TMEM123: variants seen among roughly 807,000 people sequenced by gnomAD.
TMEM123 encodes transmembrane protein 123, also known as porimin.
TMEM123 carries 16 observed loss-of-function variants against 19.7 expected under a neutral mutation model. The ratio of observed to expected loss-of-function variants is 0.81; its 90% CI spans 0.55 to 1.23. The LOEUF (loss-of-function observed/expected upper bound fraction) is 1.23. Among genes scored for constraint, TMEM123 ranks in the 50% most tolerant of loss-of-function variants. The pLI, the probability that TMEM123 is intolerant of heterozygous loss-of-function variation, is 0.00. For missense variants in TMEM123, 313 were observed against 257.8 expected, an observed-to-expected ratio of 1.21 and a Z score of -1.47; for synonymous variants, 118 against 99.4, an observed-to-expected ratio of 1.19 and a Z score of -1.12.
At chr11:102,440,734 A>G (rs755790958) in intron 2 of TMEM123, among the ~76,000 whole-genome samples, 103 of 152,226 alleles carry the variant, frequency 6.8e-4, no homozygotes, top group Non-Finnish European at 9.0e-4. Flanking sequence ...AAATGCTCCA[A>G]TTAAAACACA....
intron 2 of TMEM123, among the ~76,000 whole-genome samples, chr11:102,432,144 G>T (rs552458196): frequency 1.3e-5 from 2 of 152,336 alleles, no homozygotes; most frequent in African/African-American, 4.8e-5. Context: ...AAGCGACTTT[G>T]GCACTGGTTA....
At chr11:102,400,320 T>G (rs539177790) in intron 4 of TMEM123, among the ~76,000 whole-genome samples, 3 of 152,324 alleles carry the variant, frequency 2.0e-5, no homozygotes, top group African/African-American at 7.2e-5. Context: ...GGTTAAAAAT[T>G]TGGGAAACAG....
Position 102,452,608 on chromosome 11 carries a change from G to C in TMEM123, c.16C>G (p.Arg6Gly). 11 of 1,557,270 alleles carry C rather than the reference G, an allele frequency of 7.1e-6. No homozygotes were observed. Among genetic ancestry groups the C allele is most frequent in the Non-Finnish European group, 8.7e-6 (10 of 1,154,752 alleles). ...AGGAGCAGCGCGGCCCAAGCACCTC[G>C]CGCGCCGAGTCCCATTGTTCCGAGG... MGLGA[R>G]GAWAALLLGT... Residue 6 changes from arginine to glycine, a missense_variant, in exon 1 of 5, where the codon CGA becomes GGA. By Grantham distance (125) the Arg-to-Gly change is moderately radical. Transcript: ENST00000398136.
intron 2 of TMEM123, among the ~76,000 whole-genome samples, chr11:102,410,770 G>C (rs936031678): frequency 6.6e-6 from 1 of 152,028 alleles, no homozygotes; most frequent in South Asian, 2.1e-4. Context: ...ACACACAGAA[G>C]AGACGTGATC....
chr11:102,409,009 G>C (rs1951979665), intron 2 of TMEM123, among the ~76,000 whole-genome samples: 1 of 152,030 alleles, frequency 6.6e-6, no homozygotes, highest in Admixed American at 6.5e-5. Flanking sequence ...ATAACCTTGA[G>C]TCCAAAAATA....
intron 2 of TMEM123, among the ~76,000 whole-genome samples, chr11:102,442,079 A>T (rs1483792122): frequency 6.6e-6 from 1 of 152,260 alleles, no homozygotes; most frequent in African/African-American, 2.4e-5. Flanking sequence ...AACCAAAAAA[A>T]GTCCAGGACT....
intron 2 of TMEM123, among the ~76,000 whole-genome samples, chr11:102,438,671 G>A (rs1857791222): frequency 6.6e-6 from 1 of 152,220 alleles, no homozygotes; most frequent in Non-Finnish European, 1.5e-5. Context: ...CTTCCAGTGT[G>A]AGCAATGCAG....
intron 2 of TMEM123, among the ~76,000 whole-genome samples, chr11:102,427,403 GAGAAGGC>G (rs1032434307): frequency 6.6e-6 from 1 of 151,176 alleles, no homozygotes; most frequent in Non-Finnish European, 1.5e-5. Flanking sequence ...AGAAGTGGAA[GAGAAGGC>G]AGAAGTGGGA....
At chr11:102,423,886 C>T (rs530556049) in intron 2 of TMEM123, among the ~76,000 whole-genome samples, 13 of 151,994 alleles carry the variant, frequency 8.6e-5, no homozygotes, top group East Asian at 3.9e-4. Context: ...ATATTAAGTG[C>T]GTGCATTATT....
chr11:102,432,949 A>C (rs1263407462), intron 2 of TMEM123, among the ~76,000 whole-genome samples: 2 of 149,162 alleles, frequency 1.3e-5, no homozygotes, highest in African/African-American at 2.4e-5. Context: ...ACAGAAGTCA[A>C]GAATTGAGGT....
At chr11:102,406,757 G>A (rs1320720468) in intron 2 of TMEM123, among the ~76,000 whole-genome samples, 1 of 151,772 alleles carries the variant, frequency 6.6e-6, no homozygotes, top group Non-Finnish European at 1.5e-5. Flanking sequence ...TGTAGTCCCA[G>A]CTACTCGGGA....
chr11:102,422,711 A>G (rs1952096975), intron 2 of TMEM123, among the ~76,000 whole-genome samples: 1 of 152,234 alleles, frequency 6.6e-6, no homozygotes, highest in South Asian at 2.1e-4. Flanking sequence ...TTTTATATAA[A>G]TAGCATCATG....
rs182224848 is a variant in TMEM123, at chr11:102,423,972, A to T, written c.158-21766T>A. ...GTTTTAAACAAATTCAGATTTTTTT[A>T]AAAAAATCATCTCCTGTAAAAGAAA... On this transcript the variant is annotated intron_variant, in intron 2 of 4. Coordinates refer to ENST00000398136, the MANE Select transcript of TMEM123 (RefSeq NM_052932.3). Among the ~76,000 whole-genome samples the T allele has an allele frequency of 7.9e-3, 1,196 of 152,328 alleles. 19 individuals carry two copies. The highest frequency in any genetic ancestry group is 0.027 in the African/African-American group (1,108 of 41,578).
chr11:102,440,895 T>C (rs528671163), intron 2 of TMEM123, among the ~76,000 whole-genome samples: 2 of 152,308 alleles, frequency 1.3e-5, no homozygotes, highest in African/African-American at 4.8e-5. Context: ...GTTGCAATCC[T>C]AGTCTCTGAT....
At chr11:102,439,739 A>G (rs541061572) in intron 2 of TMEM123, among the ~76,000 whole-genome samples, 12 of 152,206 alleles carry the variant, frequency 7.9e-5, no homozygotes, top group African/African-American at 2.2e-4. Flanking sequence ...ACGATCGGTA[A>G]TAACAAACTT....
In TMEM123 at chr11:102,398,745, T is replaced by G; in HGVS notation, c.*122A>C. ...ACATATTTACGTAATACACTGTACA[T>G]TATATGCATGGCCTGTTTATACTAT... On this transcript the variant is annotated 3_prime_UTR_variant, in exon 5 of 5. Transcript: ENST00000398136. 2.1e-6 allele frequency: 2 copies of G among 975,016 alleles called. No homozygotes were observed. The highest frequency in any genetic ancestry group is 1.4e-5 in the South Asian group (1 of 70,108). 60.4% of individuals were successfully genotyped at this position (975,016 alleles called of 1,614,324 possible). A position where few individuals can be genotyped will look rare whatever the true frequency, so the allele number is the denominator to read the frequency against.
In TMEM123 at chr11:102,401,608, C is replaced by T; in HGVS notation, c.533G>A (p.Gly178Glu). 1 of 1,605,620 alleles carries T rather than the reference C, an allele frequency of 6.2e-7. No individual in the cohort carries two copies. The highest frequency in any genetic ancestry group is 1.1e-5 in the South Asian group (1 of 88,658). ...TCCAATGTAAAGAATAGATAAAACT[C>T]CCAGCGTTAATACAATACCACCAAC... ...SFVGGIVLTL[G>E]VLSILYIGCK... The change falls in exon 4 of 5, where the codon GGA (glycine) becomes GAA (glutamate). Residue 178 changes from glycine (G) to glutamate (E), a missense_variant. Coordinates refer to ENST00000398136, the MANE Select transcript of TMEM123 (RefSeq NM_052932.3).
chr11:102,445,470 T>C (rs1326477003), intron 2 of TMEM123, among the ~76,000 whole-genome samples: 1 of 152,242 alleles, frequency 6.6e-6, no homozygotes, highest in African/African-American at 2.4e-5. Flanking sequence ...GGTTCCTGTC[T>C]TTGACTGACT....
intron 2 of TMEM123, among the ~76,000 whole-genome samples, chr11:102,445,306 G>A (rs1305054056): frequency 6.6e-6 from 1 of 152,024 alleles, no homozygotes; most frequent in African/African-American, 2.4e-5. Context: ...CCAATCTCTA[G>A]TTAAAAACTA....
Sources: gnomAD v4.1 joint callset for allele counts (sites outside exome capture counted in the v4.1 genomes callset) on GRCh38, gnomAD v4.1.1 for gene constraint, MANE v1.5 for transcripts, NCBI Gene and HGNC (gene_info 2026-07-23, HGNC 2026-07-21) for gene names.